WFDC1: variants seen among roughly 807,000 people sequenced by gnomAD.
WFDC1 encodes the protein WAP four-disulfide core domain 1, also known as WAP four-disulfide core domain protein 1.
A neutral mutation model predicts 32.9 loss-of-function variants in WFDC1; 39 were observed. The ratio of observed to expected loss-of-function variants is 1.19; its 90% confidence interval spans 0.92 to 1.55. The LOEUF (loss-of-function observed/expected upper bound fraction) is 1.55, where lower values mean the gene tolerates loss of function less well. WFDC1 is among the 40% of genes most tolerant of loss of function. WFDC1 has a pLI of 0.00. For missense variants in WFDC1, 386 were observed against 309.5 expected (o/e 1.25, Z -1.85); for synonymous variants, 184 against 137.4 (o/e 1.34, Z -2.37).
At chr16:84,324,392 A>G (rs188071341) in intron 4 of WFDC1, 27 bp from the exon 5 acceptor site, 36 of 1,611,424 alleles carry the variant, frequency 2.2e-5, no homozygotes, top group Middle Eastern at 3.3e-4. Flanking sequence ...TCCTAAAAGA[A>G]GTTTTTTCCT....
intron 1 of WFDC1, chr16:84,297,045 A>G (rs1048344134): frequency 2.6e-5 from 4 of 152,188 alleles, no homozygotes; most frequent in East Asian, 1.9e-4. Flanking sequence ...GAGATTGCCA[A>G]TATGTCATCT....
At chr16:84,295,362 T>C (rs423666) in intron 1 of WFDC1, 493,757 of 504,024 alleles carry the variant, frequency 0.98, 242,574 homozygotes, top group East Asian at 1. Flanking sequence ...AATCGTGCCT[T>C]ACTTTTGCCT....
In WFDC1 at chr16:84,297,617, CAAAAAAAAAAA is replaced by C. The variant is rs150683526; in HGVS notation, c.144+2522_144+2532del. On this transcript the variant is annotated intron_variant, in intron 1 of 6. Transcript: ENST00000219454. ...GGGCAACAAGAGTGAAACTCTGTCTCAAAAAAAAAAAAAAAAAAAAAAAAAAAAAACTGTGC... is the reference window on the plus strand; with the variant it reads ...GGGCAACAAGAGTGAAACTCTGTCTCAAAAAAAAAAAAAAAAAAACTGTGC... Among the ~76,000 whole-genome samples the C allele has an allele frequency of 1.4e-4, 10 of 69,460 alleles. No individual in the cohort carries two copies. The East Asian group carries it at 1.8e-3, about 13-fold the overall frequency. 45.6% of individuals were successfully genotyped at this position (69,460 alleles called of 152,430 possible). A position where few individuals can be genotyped will look rare whatever the true frequency, so the allele number is the denominator to read the frequency against.
chr16:84,312,699 C>G (rs887025949), intron 1 of WFDC1, among the ~76,000 whole-genome samples: 1 of 152,126 alleles, frequency 6.6e-6, no homozygotes, highest in African/African-American at 2.4e-5. Flanking sequence ...AGTAATTGTC[C>G]TTCAGCAAAC....
chr16:84,310,276 C>A (rs561900204), intron 1 of WFDC1, among the ~76,000 whole-genome samples: 2 of 151,830 alleles, frequency 1.3e-5, no homozygotes, highest in Non-Finnish European at 2.9e-5. Flanking sequence ...CAGCCTTGAG[C>A]GCTGATTTGA....
intron 1 of WFDC1, among the ~76,000 whole-genome samples, chr16:84,309,907 C>G (rs1354919547): frequency 6.6e-6 from 1 of 151,782 alleles, no homozygotes. Context: ...CTGCTCCCCT[C>G]TTCTCAGACA....
chr16:84,310,332 C>T (rs539051173), intron 1 of WFDC1, among the ~76,000 whole-genome samples: 15 of 152,152 alleles, frequency 9.9e-5, no homozygotes, highest in Admixed American at 3.9e-4. Flanking sequence ...AACGGGCATT[C>T]GGCAGAGGAT....
At chr16:84,302,368 A>G (rs564569126) in intron 1 of WFDC1, among the ~76,000 whole-genome samples, 1 of 152,240 alleles carries the variant, frequency 6.6e-6, no homozygotes, top group African/African-American at 2.4e-5. Context: ...ATTGCATGTT[A>G]TATATATTTT....
rs908669603 is a variant in WFDC1, at chr16:84,309,287, C to G, written c.145-3674C>G. ...TATTAAATCGAAAAAGTAACATGTA[C>G]CTGGTTGGCGCAGGGCTCGGAGGTC... On this transcript the variant is annotated intron_variant, in intron 1 of 6. Transcript: ENST00000219454. Among the ~76,000 whole-genome samples, 3 of 152,020 alleles carry G rather than the reference C, an allele frequency of 2.0e-5. No individual in the cohort carries two copies. The East Asian group carries it at 5.8e-4, about 29-fold the overall frequency.
intron 6 of WFDC1, 153 bp downstream of exon 6, chr16:84,327,108 C>G: frequency 1.5e-6 from 1 of 689,502 alleles, no homozygotes; most frequent in Non-Finnish European, 2.5e-6. Context: ...AAGTCCTCAC[C>G]TAACGTCATC....
chr16:84,315,094 C>G (rs1459061416), intron 2 of WFDC1, among the ~76,000 whole-genome samples: 1 of 152,242 alleles, frequency 6.6e-6, no homozygotes, highest in East Asian at 1.9e-4. Context: ...TGTTCATTGC[C>G]TTAGGCCGTG....
Position 84,312,559 on chromosome 16 carries a change from TATAC to T in WFDC1, c.145-398_145-395del, listed in dbSNP as rs542927988. ...TCTAAGAAATCCACACATATGTACA[TATAC>T]ATATGTACATATAGACATATGTGTG... On this transcript the variant is annotated intron_variant, in intron 1 of 6. Transcript: ENST00000219454. Among the ~76,000 whole-genome samples, 45 of 152,246 alleles carry T rather than the reference TATAC, an allele frequency of 3.0e-4. No individual in the cohort carries two copies. In the South Asian group the frequency reaches 8.9e-3, roughly 30 times the overall value.
intron 2 of WFDC1, among the ~76,000 whole-genome samples, chr16:84,314,670 C>A (rs1479864766): frequency 6.6e-6 from 1 of 152,220 alleles, no homozygotes; most frequent in African/African-American, 2.4e-5. Context: ...TATTTCAGTA[C>A]TGCCTCTGGG....
In WFDC1 at chr16:84,313,066, C is replaced by T; in HGVS notation, c.250C>T (p.Gln84Ter). The T allele has an allele frequency of 7.1e-7, 1 of 1,412,356 alleles. No homozygotes were observed. The highest frequency in any genetic ancestry group is 9.2e-7 in the Non-Finnish European group (1 of 1,087,038). 87.5% of individuals were successfully genotyped at this position (1,412,356 alleles called of 1,614,324 possible). ...CGGCGCCTGCCAGGCCGCGCGCTGT[C>T]AGGCGGACTCCGAGTGCCCGCGGCA... ...PPGACQAARC[Q>*]ADSECPRHRR... Residue 84 changes from glutamine (Q) to a stop codon, truncating the protein, a stop_gained, in exon 2 of 7, where the codon CAG becomes TAG. Transcript: ENST00000219454. LOFTEE classifies it high-confidence loss of function.
intron 1 of WFDC1, chr16:84,295,670 G>A (rs991799933): frequency 1.3e-5 from 2 of 154,724 alleles, no homozygotes; most frequent in Non-Finnish European, 2.9e-5. Context: ...GGTGACAAAC[G>A]ATGGCAGTAC....
chr16:84,297,475 G>C lies in WFDC1; in HGVS notation c.144+2360G>C, dbSNP rs1022635174. 7.9e-5 allele frequency among the ~76,000 whole-genome samples: 12 copies of C among 152,188 alleles called. 1 individual carries two copies. The South Asian group carries it at 2.3e-3, about 29-fold the overall frequency. ...TCTACTAAAAATACAAAATTAGCTGGGTGTGGCGGCAAATGCCTGTAATCC... is the reference window on the plus strand; with the variant it reads ...TCTACTAAAAATACAAAATTAGCTGCGTGTGGCGGCAAATGCCTGTAATCC... On this transcript the variant is annotated intron_variant, in intron 1 of 6. Coordinates refer to ENST00000219454, the MANE Select transcript of WFDC1 (RefSeq NM_021197.4).
At chr16:84,301,451 G>C (rs532674954) in intron 1 of WFDC1, among the ~76,000 whole-genome samples, 11 of 152,314 alleles carry the variant, frequency 7.2e-5, no homozygotes, top group Middle Eastern at 3.4e-3. Context: ...TATCCCCAGA[G>C]TCTGGGAGCT....
At chr16:84,299,444 A>G (rs1285751828) in intron 1 of WFDC1, among the ~76,000 whole-genome samples, 1 of 152,152 alleles carries the variant, frequency 6.6e-6, no homozygotes, top group East Asian at 1.9e-4. Flanking sequence ...AATGAATAAA[A>G]CAGAAGCAGA....
intron 4 of WFDC1, among the ~76,000 whole-genome samples, chr16:84,320,201 C>G (rs191174678): frequency 2.0e-5 from 3 of 152,282 alleles, no homozygotes; most frequent in Non-Finnish European, 4.4e-5. Flanking sequence ...ATGACTTTGC[C>G]CAACTCTAGG....
Sources: gnomAD v4.1 joint callset for allele counts (sites outside exome capture counted in the v4.1 genomes callset) on GRCh38, gnomAD v4.1.1 for gene constraint, MANE v1.5 for transcripts, NCBI Gene and HGNC (gene_info 2026-07-23, HGNC 2026-07-21) for gene names.